ANGPT1: variants seen among roughly 807,000 people sequenced by gnomAD.
The protein encoded by ANGPT1 is angiopoietin 1.
In ANGPT1, 17 loss-of-function variants were observed where a neutral mutation model predicts 62.2. The observed-to-expected ratio is 0.27, with a 90% CI of 0.19 to 0.41. The LOEUF (loss-of-function observed/expected upper bound fraction) is 0.41. Ranked by LOEUF, ANGPT1 falls within the 10% of genes least tolerant of loss-of-function variation. ANGPT1 has a pLI of 1.00. For missense variants in ANGPT1, 478 were observed against 594.9 expected (o/e 0.80, Z 2.04); for synonymous variants, 199 against 198.9 (o/e 1.00, Z 0.00).
intron 1 of ANGPT1, among the ~76,000 whole-genome samples, chr8:107,424,182 G>A (rs1274571575): frequency 1.3e-5 from 2 of 151,754 alleles, no homozygotes; most frequent in African/African-American, 2.4e-5. Flanking sequence ...TTCTGCATTG[G>A]ACAACACAAC....
intron 4 of ANGPT1, among the ~76,000 whole-genome samples, chr8:107,319,958 A>T (rs1815111851): frequency 2.0e-5 from 3 of 152,168 alleles, no homozygotes; most frequent in Non-Finnish European, 4.4e-5. Context: ...TAAGATGGCA[A>T]ATCCTGTAGT....
intron 1 of ANGPT1, among the ~76,000 whole-genome samples, chr8:107,417,779 T>C (rs72674303): frequency 0.023 from 3,555 of 152,310 alleles, 61 homozygotes; most frequent in Non-Finnish European, 0.036. Context: ...AGAAATCTTC[T>C]GTGGCTGTGA....
intron 3 of ANGPT1, among the ~76,000 whole-genome samples, chr8:107,328,703 G>C (rs555388531): frequency 5.9e-5 from 9 of 151,974 alleles, no homozygotes; most frequent in Admixed American, 2.6e-4. Flanking sequence ...AGTCACAGAA[G>C]AAATGCAAAT....
At chr8:107,259,862 A>G (rs1221136625) in intron 8 of ANGPT1, among the ~76,000 whole-genome samples, 1 of 152,074 alleles carries the variant, frequency 6.6e-6, no homozygotes. Flanking sequence ...GTGACAATCT[A>G]GTAACAAAAA....
intron 1 of ANGPT1, among the ~76,000 whole-genome samples, chr8:107,475,406 C>T (rs1812491134): frequency 6.6e-6 from 1 of 152,102 alleles, no homozygotes; most frequent in African/African-American, 2.4e-5. Flanking sequence ...AAACAGGACC[C>T]CTTCCTTACA....
chr8:107,442,119 A>T (rs1413177069), intron 1 of ANGPT1, among the ~76,000 whole-genome samples: 1 of 152,082 alleles, frequency 6.6e-6, no homozygotes, highest in African/African-American at 2.4e-5. Flanking sequence ...CACCTCGTAG[A>T]TCCAGAGGTC....
chr8:107,378,530 T>C (rs1324503635), intron 1 of ANGPT1, among the ~76,000 whole-genome samples: 1 of 152,182 alleles, frequency 6.6e-6, no homozygotes, highest in African/African-American at 2.4e-5. Flanking sequence ...CTATACTCTA[T>C]GTACACTGTT....
chr8:107,415,023 T>C (rs1278971945), intron 1 of ANGPT1, among the ~76,000 whole-genome samples: 2 of 152,178 alleles, frequency 1.3e-5, no homozygotes, highest in Non-Finnish European at 2.9e-5. Context: ...ATTTTAATTC[T>C]GAGTGGTTGC....
intron 2 of ANGPT1, among the ~76,000 whole-genome samples, chr8:107,344,229 C>G (rs976324974): frequency 2.0e-5 from 3 of 152,080 alleles, no homozygotes; most frequent in African/African-American, 7.2e-5. Flanking sequence ...CTGTTAGTTT[C>G]CCCAAAAACC....
chr8:107,391,273 T>A (rs1361181994), intron 1 of ANGPT1, among the ~76,000 whole-genome samples: 2 of 152,198 alleles, frequency 1.3e-5, no homozygotes, highest in Non-Finnish European at 2.9e-5. Flanking sequence ...GACAGTCATT[T>A]TTTTGTCTCC....
intron 1 of ANGPT1, among the ~76,000 whole-genome samples, chr8:107,356,052 T>G (rs1816038176): frequency 6.6e-6 from 1 of 152,224 alleles, no homozygotes; most frequent in African/African-American, 2.4e-5. Flanking sequence ...GAGCTTAGCT[T>G]AGTTCCATTT....
intron 1 of ANGPT1, among the ~76,000 whole-genome samples, chr8:107,423,893 T>C (rs1305612798): frequency 7.8e-6 from 1 of 127,668 alleles, no homozygotes; most frequent in African/African-American, 3.0e-5. Context: ...CAGGCTGGAG[T>C]GCAGTGGCAC....
chr8:107,366,329 C>T (rs1397448541), intron 1 of ANGPT1, among the ~76,000 whole-genome samples: 1 of 152,124 alleles, frequency 6.6e-6, no homozygotes, highest in Non-Finnish European at 1.5e-5. Context: ...AATTCCTACT[C>T]ATTCAAATAC....
intron 1 of ANGPT1, among the ~76,000 whole-genome samples, chr8:107,433,361 C>T (rs1231703637): frequency 1.3e-5 from 2 of 152,134 alleles, no homozygotes; most frequent in African/African-American, 4.8e-5. Context: ...GTGTTTTTCC[C>T]CTAGGAAACC....
Position 107,315,610 on chromosome 8 carries a change from T to G in ANGPT1, c.808+6286A>C, listed in dbSNP as rs185176326. ...TTCCCAAAACACTGCTTACTACTGT[T>G]TTTCACACTGTCTATATTTTTCTTT... On this transcript the variant is annotated intron_variant, in intron 4 of 8. Transcript: ENST00000517746. Among the ~76,000 whole-genome samples, 12 of 152,256 alleles carry G rather than the reference T, an allele frequency of 7.9e-5. No individual in the cohort carries two copies. In the East Asian group the frequency reaches 2.3e-3, roughly 29 times the overall value.
chr8:107,336,320 A>G (rs1815559548), intron 2 of ANGPT1, 49 bp from the exon 3 acceptor site: 2 of 1,546,294 alleles, frequency 1.3e-6, no homozygotes, highest in East Asian at 2.3e-5. Flanking sequence ...CGAATCAAAG[A>G]ACTTTTTTAA....
At chr8:107,315,730 T>C (rs1230525264) in intron 4 of ANGPT1, among the ~76,000 whole-genome samples, 1 of 152,090 alleles carries the variant, frequency 6.6e-6, no homozygotes, top group Admixed American at 6.6e-5. Flanking sequence ...ACTCATAACT[T>C]TGGTATGTAA....
At chr8:107,483,840 C>A (rs1812748506) in intron 1 of ANGPT1, among the ~76,000 whole-genome samples, 1 of 152,082 alleles carries the variant, frequency 6.6e-6, no homozygotes, top group African/African-American at 2.4e-5. Flanking sequence ...CAGGATAACT[C>A]CAACTAAGGC....
intron 1 of ANGPT1, among the ~76,000 whole-genome samples, chr8:107,373,196 T>C (rs926932325): frequency 6.6e-6 from 1 of 152,140 alleles, no homozygotes; most frequent in Non-Finnish European, 1.5e-5. Flanking sequence ...ATTTCCTAAC[T>C]TTTCAGTATC....
Sources: allele counts gnomAD v4.1 joint callset (sites outside exome capture counted in the v4.1 genomes callset), GRCh38; gene constraint gnomAD v4.1.1; transcripts MANE v1.5; gene names NCBI Gene and HGNC (gene_info 2026-07-23, HGNC 2026-07-21).